NRTN: variants seen among roughly 807,000 people sequenced by gnomAD.
The protein encoded by NRTN is neurturin, also known as prepro-neurturin.
In NRTN, 3 loss-of-function variants were observed where a neutral mutation model predicts 7.5. The observed-to-expected ratio is 0.40, with a 90% CI of 0.18 to 1.03. The LOEUF is 1.03. Among genes scored for constraint, NRTN ranks in the 50% least tolerant of loss-of-function variants. NRTN has a pLI of 0.34. For missense variants in NRTN, 310 were observed against 307.0 expected (o/e 1.01, Z -0.07); for synonymous variants, 157 against 146.6 (o/e 1.07, Z -0.51).
At chr19:5,811,186 C>T (rs2056989636) in intron 1 of NRTN, among the ~76,000 whole-genome samples, 1 of 151,854 alleles carries the variant, frequency 6.6e-6, no homozygotes, top group Admixed American at 6.6e-5. Flanking sequence ...TGCAGTGAGC[C>T]GAGATCGTGC....
At position 5,823,833 on chromosome 19, in the gene NRTN, T is replaced by G. The variant is rs974786534; in HGVS notation, c.-333T>G. 1.0e-4 allele frequency: 47 copies of G among 460,400 alleles called. No homozygotes were observed. The highest frequency in any genetic ancestry group is 3.6e-5 in the Non-Finnish European group (9 of 249,964). 28.5% of individuals were successfully genotyped at this position (460,400 alleles called of 1,614,324 possible). ...CACACTCAGTCTGGCCTCGGGGCCT[T>G]TGCACTGGCTGTGTCCCCTGCCTGT... On this transcript the variant is annotated 5_prime_UTR_variant, in exon 2 of 3. Transcript: ENST00000303212.
chr19:5,827,640 T>G (rs1002393437), intron 2 of NRTN, 109 bp from the exon 3 acceptor site: 9 of 413,194 alleles, frequency 2.2e-5, no homozygotes, highest in Non-Finnish European at 2.4e-5. Context: ...CGTCTAGGCC[T>G]GGCGTCCCAG....
chr19:5,816,046 A>AGTTTCACCAG (rs1568397365), intron 1 of NRTN, among the ~76,000 whole-genome samples: 1 of 151,728 alleles, frequency 6.6e-6, no homozygotes, highest in African/African-American at 2.4e-5. Flanking sequence ...TGCCTGGCCG[A>AGTTTCACCAG]TGGTGTCTTT....
rs1325258523 is a variant in NRTN at position 5,805,334 on chromosome 19, G to A, written c.-516G>A. Among the ~76,000 whole-genome samples the A allele has an allele frequency of 6.9e-6, 1 of 145,706 alleles. No homozygotes were observed. Among genetic ancestry groups the A allele is most frequent in the Non-Finnish European group, 1.5e-5 (1 of 65,762 alleles). On this transcript the variant is annotated 5_prime_UTR_variant, in exon 1 of 3. Coordinates refer to ENST00000303212, the MANE Select transcript of NRTN (RefSeq NM_004558.5). The stretch of plus-strand genomic sequence containing the variant: ...CACCCCGCCCGCGGCCGCCCCCTCC[G>A]GCCCGGGCCCCCCCCGGGCACCGCG...
chr19:5,822,936 A>T (rs896137996), intron 1 of NRTN, among the ~76,000 whole-genome samples: 2 of 151,884 alleles, frequency 1.3e-5, no homozygotes, highest in Non-Finnish European at 2.9e-5. Context: ...AGGTGGGAGG[A>T]TCGCTTGAGC....
chr19:5,823,812 C>T lies in NRTN; in HGVS notation c.-354C>T. On this transcript the variant is annotated 5_prime_UTR_variant, in exon 2 of 3. Transcript: ENST00000303212. ...CTTGCTGTTCCTGGGATACGCCACA[C>T]TCAGTCTGGCCTCGGGGCCTTTGCA... is the stretch of plus-strand genomic sequence containing the variant. The T allele has an allele frequency of 2.4e-6, 1 of 418,016 alleles. No individual in the cohort carries two copies. Among genetic ancestry groups the T allele is most frequent in the Non-Finnish European group, 4.5e-6 (1 of 224,322 alleles). 25.9% of individuals were successfully genotyped at this position (418,016 alleles called of 1,614,324 possible).
chr19:5,808,272 G>A (rs924261926), intron 1 of NRTN, among the ~76,000 whole-genome samples: 1 of 152,164 alleles, frequency 6.6e-6, no homozygotes, highest in Non-Finnish European at 1.5e-5. Context: ...CAAGCCACCC[G>A]CTGGGACCTG....
At chr19:5,814,656 C>A (rs2056999657) in intron 1 of NRTN, among the ~76,000 whole-genome samples, 1 of 152,222 alleles carries the variant, frequency 6.6e-6, no homozygotes, top group East Asian at 1.9e-4. Flanking sequence ...GAAACACACA[C>A]CCTTGCGCTG....
chr19:5,818,936 G>C (rs1038127223), intron 1 of NRTN, among the ~76,000 whole-genome samples: 2 of 152,268 alleles, frequency 1.3e-5, no homozygotes, highest in East Asian at 1.9e-4. Context: ...AGAGTCTGAA[G>C]CTCCAAGGCC....
chr19:5,828,279 C>G lies in NRTN; in HGVS notation c.*106C>G. ...TGCGTAGAGCACGCCGGCGCGGCCC[C>G]GGGACTCTCGCGATAACTGTACTGA... On this transcript the variant is annotated 3_prime_UTR_variant, in exon 3 of 3. Coordinates refer to ENST00000303212, the MANE Select transcript of NRTN (RefSeq NM_004558.5). 7.9e-7 allele frequency: 1 copy of G among 1,269,606 alleles called. No homozygotes were observed. Among genetic ancestry groups the G allele is most frequent in the East Asian group, 2.8e-5 (1 of 36,012 alleles). The allele number at this position is 1,269,606 out of a possible 1,614,324, so 78.6% of individuals were successfully genotyped here. A position where few individuals can be genotyped will look rare whatever the true frequency, so the allele number is the denominator to read the frequency against.
intron 1 of NRTN, among the ~76,000 whole-genome samples, chr19:5,818,493 C>G (rs890350303): frequency 1.3e-5 from 2 of 152,046 alleles, no homozygotes; most frequent in African/African-American, 4.8e-5. Context: ...GTTGCCCAGG[C>G]TGGTCTTGAA....
Position 5,824,066 on chromosome 19 carries a change from A to G in NRTN, c.-100A>G. 1 of 1,479,492 alleles carries G rather than the reference A, an allele frequency of 6.8e-7. No homozygotes were observed. The highest frequency in any genetic ancestry group is 9.3e-7 in the Non-Finnish European group (1 of 1,074,790). The allele number at this position is 1,479,492 out of a possible 1,614,324, so 91.6% of individuals were successfully genotyped here. A position where few individuals can be genotyped will look rare whatever the true frequency, so the allele number is the denominator to read the frequency against. On this transcript the variant is annotated 5_prime_UTR_variant, in exon 2 of 3. Transcript: ENST00000303212. The stretch of plus-strand genomic sequence containing the variant: ...ACCATTCGGCAGGCGTTCAAAGTCA[A>G]AGGCCCCACACTGAGTCCTGGCCCA...
At chr19:5,817,303 G>A (rs183809965) in intron 1 of NRTN, among the ~76,000 whole-genome samples, 11 of 151,880 alleles carry the variant, frequency 7.2e-5, no homozygotes, top group Non-Finnish European at 1.6e-4. Flanking sequence ...GCAGTGAGCC[G>A]AGGTTGCGCC....
At chr19:5,814,504 A>G (rs2056999302) in intron 1 of NRTN, among the ~76,000 whole-genome samples, 1 of 152,200 alleles carries the variant, frequency 6.6e-6, no homozygotes, top group South Asian at 2.1e-4. Flanking sequence ...TCTGTAGGAC[A>G]GAGGCTTTTA....
Position 5,807,036 on chromosome 19 carries a change from C to T in NRTN, c.-399+1585C>T, listed in dbSNP as rs1333127710. Among the ~76,000 whole-genome samples the T allele has an allele frequency of 2.0e-5, 3 of 152,304 alleles. No homozygotes were observed. In the East Asian group the frequency reaches 5.8e-4, roughly 29 times the overall value. Reference sequence around the variant, plus strand: ...AAGCTCAGAGTGGGGATGGAGGGCTCTACCTCAGGGTAGGAATGTCAGAGA... The same window carrying T: ...AAGCTCAGAGTGGGGATGGAGGGCTTTACCTCAGGGTAGGAATGTCAGAGA... On this transcript the variant is annotated intron_variant, in intron 1 of 2. Transcript: ENST00000303212.
At chr19:5,809,168 G>A (rs746956443) in intron 1 of NRTN, among the ~76,000 whole-genome samples, 23 of 149,146 alleles carry the variant, frequency 1.5e-4, no homozygotes, top group Non-Finnish European at 3.3e-4. Flanking sequence ...GCTTCATCCT[G>A]AGTTTTTTTT....
At position 5,813,241 on chromosome 19, in the gene NRTN, AAAAC is replaced by A. The variant is rs569424274; in HGVS notation, c.-399+7792_-399+7795del. 1.7e-3 allele frequency among the ~76,000 whole-genome samples: 255 copies of A among 152,070 alleles called. 2 individuals are homozygous for A. Among genetic ancestry groups the A allele is most frequent in the African/African-American group, 6.1e-3 (252 of 41,484 alleles). ...AAAAATTTTTTTTAATTTAAAAAAA[AAAAC>A]AGATGGAGGCTGGGCACAGTGGTTC... On this transcript the variant is annotated intron_variant, in intron 1 of 2. Transcript: ENST00000303212.
chr19:5,813,123 A>G (rs1323717899), intron 1 of NRTN, among the ~76,000 whole-genome samples: 3 of 150,042 alleles, frequency 2.0e-5, no homozygotes, highest in African/African-American at 7.4e-5. Flanking sequence ...ACCTGTAATC[A>G]CAGCACTTTG....
intron 1 of NRTN, among the ~76,000 whole-genome samples, chr19:5,817,437 A>C (rs1411285219): frequency 1.8e-5 from 2 of 114,002 alleles, no homozygotes; most frequent in Admixed American, 1.8e-4. Context: ...GAAAGAGAGA[A>C]AGGAAGGAAG....
Sources: allele counts gnomAD v4.1 joint callset (sites outside exome capture counted in the v4.1 genomes callset), GRCh38; gene constraint gnomAD v4.1.1; transcripts MANE v1.5; gene names NCBI Gene and HGNC (gene_info 2026-07-23, HGNC 2026-07-21).